Variants in SHB observed in about 807,000 individuals in gnomAD.
SHB encodes the protein SH2 domain-containing adapter protein B.
A neutral mutation model predicts 52.3 loss-of-function variants in SHB; 20 were observed. The ratio of observed to expected loss-of-function variants is 0.38; its 90% CI spans 0.27 to 0.56. The LOEUF (loss-of-function observed/expected upper bound fraction) is 0.56, where lower values mean the gene tolerates loss of function less well. SHB is among the 20% of genes least tolerant of loss of function. The pLI is 0.71. For synonymous variants in SHB, 397 were observed against 316.5 expected (o/e 1.25, Z -2.70); for missense variants, 825 against 723.3 (o/e 1.14, Z -1.61).
intron 5 of SHB, among the ~76,000 whole-genome samples, chr9:37,923,965 C>A (rs898648736): frequency 3.3e-5 from 5 of 152,270 alleles, no homozygotes; most frequent in African/African-American, 1.2e-4. Flanking sequence ...TGGGCTTCCA[C>A]ACCTCGGCAC....
At chr9:37,998,434 C>T (rs185933356) in intron 2 of SHB, among the ~76,000 whole-genome samples, 5 of 152,256 alleles carry the variant, frequency 3.3e-5, no homozygotes, top group Non-Finnish European at 5.9e-5. Flanking sequence ...AGCACATGTT[C>T]TGATGGTCTC....
chr9:38,058,419 C>A (rs1389281482), intron 1 of SHB, among the ~76,000 whole-genome samples: 1 of 152,212 alleles, frequency 6.6e-6, no homozygotes, highest in African/African-American at 2.4e-5. Flanking sequence ...TCTTCTCCCT[C>A]ATCTCTGCCA....
At chr9:38,052,024 T>G (rs796134517) in intron 1 of SHB, among the ~76,000 whole-genome samples, 2 of 152,350 alleles carry the variant, frequency 1.3e-5, no homozygotes, top group African/African-American at 4.8e-5. Context: ...CTTCTTGCAC[T>G]GCTGTCTTCT....
At chr9:37,942,998 C>T (rs1490864913) in intron 5 of SHB, among the ~76,000 whole-genome samples, 3 of 152,166 alleles carry the variant, frequency 2.0e-5, no homozygotes, top group Admixed American at 6.5e-5. Flanking sequence ...TAGAATACAG[C>T]CCTGACAATA....
chr9:37,993,356 G>A (rs1820908230), intron 2 of SHB, among the ~76,000 whole-genome samples: 1 of 152,164 alleles, frequency 6.6e-6, no homozygotes, highest in Non-Finnish European at 1.5e-5. Context: ...ACTATTGTGA[G>A]ACAGAAAATA....
At position 37,945,348 on chromosome 9, in the gene SHB, G is replaced by A. The variant is rs369544377; in HGVS notation, c.1346+3287C>T. Among the ~76,000 whole-genome samples the A allele has an allele frequency of 3.9e-4, 60 of 152,348 alleles. No individual in the cohort carries two copies. In the East Asian group the frequency reaches 4.1e-3, roughly 10 times the overall value. Reference sequence around the variant, plus strand: ...CAGCCAGGATATGCAGTACCAGGACGGTTCCCCTTGCGGTTGAGGTGATTC... The same window carrying A: ...CAGCCAGGATATGCAGTACCAGGACAGTTCCCCTTGCGGTTGAGGTGATTC... On this transcript the variant is annotated intron_variant, in intron 5 of 5. Transcript: ENST00000377707.
intron 5 of SHB, among the ~76,000 whole-genome samples, chr9:37,930,067 A>G (rs945698727): frequency 6.6e-6 from 1 of 152,194 alleles, no homozygotes; most frequent in Non-Finnish European, 1.5e-5. Flanking sequence ...ACACCAATGC[A>G]GTCCAGCCTG....
chr9:37,924,253 C>T (rs978288301), intron 5 of SHB, among the ~76,000 whole-genome samples: 11 of 152,196 alleles, frequency 7.2e-5, no homozygotes, highest in African/African-American at 2.7e-4. Flanking sequence ...ATGTGCCGGG[C>T]ACGCAGGGCT....
intron 2 of SHB, among the ~76,000 whole-genome samples, chr9:38,006,948 G>C (rs1330549099): frequency 6.6e-6 from 1 of 152,218 alleles, no homozygotes; most frequent in Non-Finnish European, 1.5e-5. Context: ...CTGACTTTGA[G>C]AAAGCCCCTG....
intron 5 of SHB, among the ~76,000 whole-genome samples, chr9:37,946,332 G>A (rs142673523): frequency 2.0e-5 from 3 of 152,346 alleles, no homozygotes; most frequent in Admixed American, 6.5e-5. Context: ...GGGAAATGAC[G>A]CTTCTGGCCC....
intron 5 of SHB, among the ~76,000 whole-genome samples, chr9:37,933,842 C>T (rs185242607): frequency 1.2e-4 from 18 of 152,336 alleles, no homozygotes; most frequent in Middle Eastern, 3.4e-3. Context: ...CTACAGCTTG[C>T]TGAGATTAGC....
At chr9:38,010,235 TA>T (rs1371448676) in intron 2 of SHB, among the ~76,000 whole-genome samples, 2 of 152,226 alleles carry the variant, frequency 1.3e-5, no homozygotes, top group African/African-American at 4.8e-5. Context: ...TTAAGTGAGC[TA>T]ATCTCTGGAA....
At chr9:37,974,344 A>T (rs1401167153) in intron 3 of SHB, among the ~76,000 whole-genome samples, 2 of 152,198 alleles carry the variant, frequency 1.3e-5, no homozygotes, top group African/African-American at 4.8e-5. Flanking sequence ...ACCAAGACAG[A>T]ACCAGACAAT....
At chr9:37,959,858 G>A (rs1265501425) in intron 3 of SHB, among the ~76,000 whole-genome samples, 1 of 152,112 alleles carries the variant, frequency 6.6e-6, no homozygotes, top group Non-Finnish European at 1.5e-5. Context: ...GGCTCCCGGT[G>A]AGCCCCCTGA....
At chr9:37,947,430 C>A (rs983013319) in intron 5 of SHB, among the ~76,000 whole-genome samples, 1 of 152,224 alleles carries the variant, frequency 6.6e-6, no homozygotes, top group African/African-American at 2.4e-5. Context: ...GCCCACAAGT[C>A]CCCTGTCTGT....
chr9:37,978,987 T>C (rs1820689088), intron 2 of SHB, among the ~76,000 whole-genome samples: 1 of 152,158 alleles, frequency 6.6e-6, no homozygotes, highest in South Asian at 2.1e-4. Context: ...GAGCATCTTC[T>C]CTCCTGGGAG....
At chr9:38,044,677 G>A (rs1403702227) in intron 1 of SHB, among the ~76,000 whole-genome samples, 1 of 152,238 alleles carries the variant, frequency 6.6e-6, no homozygotes, top group East Asian at 1.9e-4. Context: ...AGTCTTGGCT[G>A]CTCTGGAGGG....
At chr9:38,035,920 T>TA (rs1001072983) in intron 1 of SHB, among the ~76,000 whole-genome samples, 1 of 152,128 alleles carries the variant, frequency 6.6e-6, no homozygotes, top group African/African-American at 2.4e-5. Flanking sequence ...CCTAGGAGCT[T>TA]GGATACAATC....
intron 2 of SHB, among the ~76,000 whole-genome samples, chr9:38,004,851 A>T (rs1821059850): frequency 6.6e-6 from 1 of 152,222 alleles, no homozygotes; most frequent in Non-Finnish European, 1.5e-5. Context: ...GACAGGATAC[A>T]CACTGCCCCA....
Sources: allele counts gnomAD v4.1 joint callset (sites outside exome capture counted in the v4.1 genomes callset), GRCh38; gene constraint gnomAD v4.1.1; transcripts MANE v1.5; gene names NCBI Gene and HGNC (gene_info 2026-07-23, HGNC 2026-07-21).